The following RMST variants were observed in gnomAD, a reference collection of about 807,000 sequenced individuals.
RMST encodes rhabdomyosarcoma 2 associated transcript, also known as long intergenic non-protein coding RNA 54.
At chr12:97,485,684 C>A (rs1396867537) in intron 5 of RMST, among the ~76,000 whole-genome samples, 1 of 152,150 alleles carries the variant, frequency 6.6e-6, no homozygotes, top group Non-Finnish European at 1.5e-5. Context: ...ATAAAATAAG[C>A]CTCAGGAAGC....
rs1275781136 is a variant in RMST at position 97,557,590 on chromosome 12, G to T, written n.1546-2947G>T. Among the ~76,000 whole-genome samples, 9 of 151,944 alleles carry T rather than the reference G, an allele frequency of 5.9e-5. No individual in the cohort carries two copies. In the East Asian group the frequency reaches 1.7e-3, roughly 29 times the overall value. Reference sequence around the variant, plus strand: ...CTCTTTCCCATTTCTGAGATATATCGTCTTTGCTTCAGAACCTGGAGGTAA... The same window carrying T: ...CTCTTTCCCATTTCTGAGATATATCTTCTTTGCTTCAGAACCTGGAGGTAA... On this transcript the variant is annotated intron_variant and non_coding_transcript_variant, in intron 11 of 13. Coordinates refer to ENST00000640149, the Ensembl canonical transcript of RMST.
intron 10 of RMST, among the ~76,000 whole-genome samples, chr12:97,521,286 G>T (rs899477655): frequency 6.6e-6 from 1 of 152,074 alleles, no homozygotes; most frequent in Non-Finnish European, 1.5e-5. Context: ...TGTCAAAGCT[G>T]TCAGAATAAT....
intron 11 of RMST, among the ~76,000 whole-genome samples, chr12:97,539,927 A>C (rs1387561393): frequency 6.6e-6 from 1 of 151,650 alleles, no homozygotes; most frequent in Non-Finnish European, 1.5e-5. Context: ...AAGTGTGTGA[A>C]TCTTGTCTTT....
intron 10 of RMST, among the ~76,000 whole-genome samples, chr12:97,517,975 T>C (rs562423000): frequency 6.6e-6 from 1 of 152,268 alleles, no homozygotes; most frequent in Non-Finnish European, 1.5e-5. Context: ...CACTGAATAT[T>C]ACTTAGTCTC....
chr12:97,520,870 A>G (rs765405651), intron 10 of RMST, among the ~76,000 whole-genome samples: 6 of 152,248 alleles, frequency 3.9e-5, no homozygotes, highest in Non-Finnish European at 8.8e-5. Context: ...CCATGGAAAC[A>G]TAAGAATCCT....
At chr12:97,546,315 CTTACACCTGTAA>C (rs1375134870) in intron 11 of RMST, among the ~76,000 whole-genome samples, 3 of 152,094 alleles carry the variant, frequency 2.0e-5, no homozygotes, top group Non-Finnish European at 4.4e-5. Context: ...GGTGTGGTGG[CTTACACCTGTAA>C]TTCCAACACT....
intron 10 of RMST, among the ~76,000 whole-genome samples, chr12:97,504,400 T>A (rs1216356643): frequency 2.8e-4 from 11 of 39,282 alleles, no homozygotes; most frequent in African/African-American, 8.9e-4. Context: ...TGAGACTTCA[T>A]TTCAAAAAAA....
intron 11 of RMST, among the ~76,000 whole-genome samples, chr12:97,544,041 T>C (rs1882751900): frequency 6.6e-6 from 1 of 152,036 alleles, no homozygotes; most frequent in Non-Finnish European, 1.5e-5. Context: ...ATTATATCTC[T>C]TCAGTGATTT....
chr12:97,521,446 G>A (rs565024131), intron 10 of RMST, among the ~76,000 whole-genome samples: 7 of 151,982 alleles, frequency 4.6e-5, no homozygotes, highest in Non-Finnish European at 1.0e-4. Context: ...ATGTATGTAT[G>A]TATATATAAT....
chr12:97,476,837 C>T (rs1874609287), intron 5 of RMST, among the ~76,000 whole-genome samples: 1 of 151,958 alleles, frequency 6.6e-6, no homozygotes, highest in Non-Finnish European at 1.5e-5. Flanking sequence ...TTAGAAAATA[C>T]TACTAAAGTC....
At chr12:97,467,214 G>A (rs143408746) in intron 5 of RMST, among the ~76,000 whole-genome samples, 4 of 152,094 alleles carry the variant, frequency 2.6e-5, no homozygotes, top group South Asian at 2.1e-4. Context: ...AGATATAAAC[G>A]TGATAAGATT....
intron 4 of RMST, among the ~76,000 whole-genome samples, chr12:97,464,073 C>CA (rs1290412207): frequency 6.6e-6 from 1 of 151,972 alleles, no homozygotes; most frequent in Non-Finnish European, 1.5e-5. Flanking sequence ...TCAAGTAATA[C>CA]AAAAAAACTC....
At chr12:97,477,150 G>A (rs529753074) in intron 5 of RMST, among the ~76,000 whole-genome samples, 8 of 152,294 alleles carry the variant, frequency 5.3e-5, no homozygotes, top group Admixed American at 4.6e-4. Context: ...AGACTAACGA[G>A]GGTTAAGAGA....
At chr12:97,561,404 A>G (rs1592811904) in intron 13 of RMST, among the ~76,000 whole-genome samples, 1 of 152,100 alleles carries the variant, frequency 6.6e-6, no homozygotes, top group East Asian at 1.9e-4. Flanking sequence ...TGGGAGAATT[A>G]GCCAACCATT....
intron 10 of RMST, among the ~76,000 whole-genome samples, chr12:97,527,212 C>A (rs1881200242): frequency 6.6e-6 from 1 of 151,456 alleles, no homozygotes; most frequent in Admixed American, 6.6e-5. Flanking sequence ...TGGTGGGGCA[C>A]AAAGATAAAA....
At chr12:97,560,680 C>A (rs1388442236) in exon 12 of RMST, 1 of 152,164 alleles carries the variant, frequency 6.6e-6, no homozygotes, top group East Asian at 1.9e-4. Flanking sequence ...AAGAGAAAAG[C>A]CTACCTATTC....
chr12:97,494,947 C>T (rs2136459567), intron 9 of RMST: 1 of 152,212 alleles, frequency 6.6e-6, no homozygotes, highest in East Asian at 1.9e-4. Context: ...ATCCTAGCCC[C>T]AGGAAAGTTT....
chr12:97,539,649 T>C (rs1240219268), intron 11 of RMST, among the ~76,000 whole-genome samples: 1 of 151,604 alleles, frequency 6.6e-6, no homozygotes, highest in East Asian at 1.9e-4. Flanking sequence ...TGTTTTAACC[T>C]TCATGTGGAG....
chr12:97,475,996 G>A (rs539803134), intron 5 of RMST, among the ~76,000 whole-genome samples: 30 of 152,212 alleles, frequency 2.0e-4, no homozygotes, highest in African/African-American at 6.7e-4. Flanking sequence ...AGGACTATAT[G>A]CTATGAGAGC....
Sources: gnomAD v4.1 joint callset for allele counts (sites outside exome capture counted in the v4.1 genomes callset) on GRCh38, gnomAD v4.1.1 for gene constraint, MANE v1.5 for transcripts, NCBI Gene and HGNC (gene_info 2026-07-23, HGNC 2026-07-21) for gene names.